The following ROBO2 variants were observed in gnomAD, a reference collection of about 807,000 sequenced individuals.
ROBO2 encodes the protein roundabout guidance receptor 2, also known as roundabout homolog 2.
ROBO2 carries 53 observed loss-of-function variants against 160.8 expected under a neutral mutation model. That is an observed-to-expected ratio of 0.33 (90% CI 0.26 to 0.41). ROBO2 has a LOEUF of 0.41. ROBO2 is among the 10% of genes least tolerant of loss of function. The probability of loss-of-function intolerance (pLI) is 1.00; values close to 1 mark genes in which losing one functional copy is unlikely to be tolerated. For synonymous variants in ROBO2, 664 were observed against 611.7 expected, an observed-to-expected ratio of 1.09 and a Z score of -1.26; for missense variants, 1,577 against 1,722.4, an observed-to-expected ratio of 0.92 and a Z score of 1.49.
chr3:77,254,133 A>G (rs1267667832), intron 2 of ROBO2, among the ~76,000 whole-genome samples: 1 of 152,186 alleles, frequency 6.6e-6, no homozygotes. Context: ...TTAGCCAGGT[A>G]TGGTGGTGCA....
chr3:76,085,382 C>T (rs1020044057), intron 2 of ROBO2, among the ~76,000 whole-genome samples: 11 of 151,976 alleles, frequency 7.2e-5, no homozygotes, highest in African/African-American at 2.7e-4. Context: ...TCAAGGAATC[C>T]CAGTTTTTGT....
At chr3:77,402,698 G>A (rs2075913284) in intron 2 of ROBO2, among the ~76,000 whole-genome samples, 1 of 151,856 alleles carries the variant, frequency 6.6e-6, no homozygotes, top group African/African-American at 2.4e-5. Flanking sequence ...CAGTGCACAC[G>A]CTCCCCTCCC....
chr3:76,657,864 TTA>T (rs560319881), intron 2 of ROBO2, among the ~76,000 whole-genome samples: 13 of 147,964 alleles, frequency 8.8e-5, no homozygotes, highest in Admixed American at 2.0e-4. Flanking sequence ...TATATGAACA[TTA>T]TATATATGTG....
chr3:76,315,149 A>G (rs543863344), intron 2 of ROBO2, among the ~76,000 whole-genome samples: 47 of 152,316 alleles, frequency 3.1e-4, no homozygotes, highest in Non-Finnish European at 4.6e-4. Context: ...ACTGTTGTCC[A>G]TGTCCCACCC....
rs1256251401 is a variant in ROBO2, at chr3:76,506,374, C to T, written c.109+568772C>T. Among the ~76,000 whole-genome samples, 7 of 152,046 alleles carry T rather than the reference C, an allele frequency of 4.6e-5. No homozygotes were observed. In the East Asian group the frequency reaches 1.2e-3, roughly 25 times the overall value. On this transcript the variant is annotated intron_variant, in intron 2 of 26. Transcript: ENST00000487694. ...CTTCTAGTCTATATTGTGCTGTGCC[C>T]GAGTGGCACCAATGTTCCAGCTACA...
intron 2 of ROBO2, among the ~76,000 whole-genome samples, chr3:76,450,912 G>A (rs2077442252): frequency 6.6e-6 from 1 of 152,012 alleles, no homozygotes; most frequent in South Asian, 2.1e-4. Context: ...TTCATAATAA[G>A]CCAGGTTGTC....
chr3:76,712,452 A>G (rs2107617245), intron 2 of ROBO2, among the ~76,000 whole-genome samples: 1 of 152,258 alleles, frequency 6.6e-6, no homozygotes, highest in Admixed American at 6.5e-5. Context: ...AGGTGGGCGG[A>G]TCACCTGAGG....
intron 2 of ROBO2, among the ~76,000 whole-genome samples, chr3:77,206,456 C>T (rs1311838862): frequency 1.3e-5 from 2 of 151,988 alleles, no homozygotes; most frequent in Admixed American, 6.6e-5. Flanking sequence ...GGTGAGCCAC[C>T]GTGCCCAGAC....
chr3:76,234,652 G>A (rs148991694), intron 2 of ROBO2, among the ~76,000 whole-genome samples: 49 of 152,180 alleles, frequency 3.2e-4, no homozygotes, highest in Middle Eastern at 3.4e-3. Flanking sequence ...GTTTTCGTAT[G>A]CTTGTCATAC....
chr3:76,058,956 A>G (rs2067964803), intron 2 of ROBO2, among the ~76,000 whole-genome samples: 2 of 151,208 alleles, frequency 1.3e-5, no homozygotes, highest in South Asian at 2.1e-4. Flanking sequence ...AGCTTCACCC[A>G]TGTCCCTACA....
intron 2 of ROBO2, among the ~76,000 whole-genome samples, chr3:76,495,741 C>A (rs565325011): frequency 6.6e-6 from 1 of 151,936 alleles, no homozygotes; most frequent in South Asian, 2.1e-4. Flanking sequence ...AGGTCTCATA[C>A]GTAATGAAGA....
At chr3:76,438,137 A>G (rs746281790) in intron 2 of ROBO2, among the ~76,000 whole-genome samples, 2 of 152,164 alleles carry the variant, frequency 1.3e-5, no homozygotes, top group African/African-American at 2.4e-5. Flanking sequence ...GGCAATATTC[A>G]TTCTTGAGAA....
intron 2 of ROBO2, among the ~76,000 whole-genome samples, chr3:75,963,124 A>G (rs7631634): frequency 6.6e-6 from 1 of 151,758 alleles, no homozygotes. Context: ...AGCAAAATAT[A>G]ATTGACAGTT....
chr3:76,760,665 G>T (rs1219286123), intron 2 of ROBO2, among the ~76,000 whole-genome samples: 1 of 151,460 alleles, frequency 6.6e-6, no homozygotes, highest in Non-Finnish European at 1.5e-5. Flanking sequence ...CGCATACGTT[G>T]CAGGGGCTGG....
intron 2 of ROBO2, among the ~76,000 whole-genome samples, chr3:77,334,476 C>T (rs921846103): frequency 2.6e-5 from 4 of 152,128 alleles, no homozygotes; most frequent in Admixed American, 2.6e-4. Context: ...TTGTTTGTTT[C>T]GGCCTAGTTC....
At chr3:76,899,840 A>T (rs1192097199) in intron 2 of ROBO2, among the ~76,000 whole-genome samples, 1 of 152,136 alleles carries the variant, frequency 6.6e-6, no homozygotes, top group Non-Finnish European at 1.5e-5. Context: ...TATGATGCTC[A>T]TAAGTATATG....
At chr3:77,320,115 T>C (rs1169071273) in intron 2 of ROBO2, among the ~76,000 whole-genome samples, 1 of 152,188 alleles carries the variant, frequency 6.6e-6, no homozygotes, top group Non-Finnish European at 1.5e-5. Flanking sequence ...GTAAATAAAC[T>C]TCAAGACATT....
chr3:76,434,864 T>A lies in ROBO2; in HGVS notation c.109+497262T>A. 1.9e-6 allele frequency: 3 copies of A among 1,584,594 alleles called. No homozygotes were observed. In the South Asian group the frequency reaches 3.3e-5, roughly 18 times the overall value. On this transcript the variant is annotated intron_variant, in intron 2 of 26. Coordinates refer to the ROBO2 transcript ENST00000487694. ...CTCACAAGAACCCTGCCCTGAAGGC[T>A]CAGAGTGGTCCAGTATGCAGTGGCC...
intron 2 of ROBO2, among the ~76,000 whole-genome samples, chr3:76,468,213 T>C (rs752011895): frequency 1.3e-5 from 2 of 152,132 alleles, no homozygotes; most frequent in African/African-American, 2.4e-5. Flanking sequence ...AAGGCTACAT[T>C]GGATAGCAAC....
Sources: gnomAD v4.1 joint callset for allele counts (sites outside exome capture counted in the v4.1 genomes callset) on GRCh38, gnomAD v4.1.1 for gene constraint, MANE v1.5 for transcripts, NCBI Gene and HGNC (gene_info 2026-07-23, HGNC 2026-07-21) for gene names.